The following PHLPP1 variants were observed in gnomAD, a reference collection of about 807,000 sequenced individuals.
PHLPP1 encodes PH domain leucine-rich repeat-containing protein phosphatase 1.
Under a neutral mutation model 117.2 loss-of-function variants are expected in PHLPP1, and 42 were observed. The ratio of observed to expected loss-of-function variants is 0.36; its 90% CI spans 0.28 to 0.46. The LOEUF (loss-of-function observed/expected upper bound fraction) is 0.46. Ranked by LOEUF, PHLPP1 falls within the 20% of genes least tolerant of loss-of-function variation. The probability of loss-of-function intolerance (pLI) is 1.00; values close to 1 mark genes in which losing one functional copy is unlikely to be tolerated. For missense variants in PHLPP1, 2,084 were observed against 2,241.9 expected, an observed-to-expected ratio of 0.93 and a Z score of 1.42; for synonymous variants, 1,042 against 970.7, an observed-to-expected ratio of 1.07 and a Z score of -1.37.
At chr18:62,866,249 GTTTT>G (rs570308646) in intron 4 of PHLPP1, among the ~76,000 whole-genome samples, 1 of 141,102 alleles carries the variant, frequency 7.1e-6, no homozygotes, top group Non-Finnish European at 1.6e-5. Flanking sequence ...TGTGTTTTTT[GTTTT>G]TTTTTTTTTG....
intron 1 of PHLPP1, among the ~76,000 whole-genome samples, chr18:62,790,996 C>T (rs1033861088): frequency 5.9e-5 from 9 of 152,090 alleles, no homozygotes; most frequent in Non-Finnish European, 1.2e-4. Flanking sequence ...GGGAGGAAGA[C>T]TGGCTTTGTT....
rs1208530023 is a variant in PHLPP1, at chr18:62,945,096, T to G, written c.3162-13T>G. The stretch of plus-strand genomic sequence containing the variant: ...TATTTTCTTTTAAATTGCTTTATTT[T>G]CTCTTTTTTTAGTAAAATGGCGAAA... On this transcript the variant is annotated splice_polypyrimidine_tract_variant and intron_variant, in intron 11 of 16. Transcript: ENST00000262719. 1 of 1,553,500 alleles carries G rather than the reference T, an allele frequency of 6.4e-7. No individual in the cohort carries two copies. Among genetic ancestry groups the G allele is most frequent in the Non-Finnish European group, 8.7e-7 (1 of 1,151,672 alleles).
intron 9 of PHLPP1, among the ~76,000 whole-genome samples, chr18:62,916,847 G>A (rs1161358386): frequency 7.1e-5 from 10 of 141,318 alleles, no homozygotes; most frequent in East Asian, 4.6e-4. Context: ...TCTGCCTCCC[G>A]GGTTCCAGCA....
chr18:62,875,959 C>T (rs1025711714), intron 4 of PHLPP1, among the ~76,000 whole-genome samples: 16 of 152,176 alleles, frequency 1.1e-4, no homozygotes, highest in Admixed American at 8.5e-4. Context: ...TCTCGAACTC[C>T]TGACCTGAGA....
At chr18:62,841,790 A>G (rs970887185) in intron 3 of PHLPP1, among the ~76,000 whole-genome samples, 45 of 152,218 alleles carry the variant, frequency 3.0e-4, no homozygotes, top group African/African-American at 1.1e-3. Context: ...GGAGCTTAGT[A>G]TTTCTAAGAG....
chr18:62,727,176 C>T (rs1384631178), intron 1 of PHLPP1, among the ~76,000 whole-genome samples: 1 of 146,734 alleles, frequency 6.8e-6, no homozygotes, highest in Admixed American at 6.9e-5. Flanking sequence ...TGCAGTGAGC[C>T]GAGATCAAGC....
intron 12 of PHLPP1, among the ~76,000 whole-genome samples, chr18:62,946,495 G>C (rs1910286192): frequency 6.6e-6 from 1 of 151,800 alleles, no homozygotes; most frequent in African/African-American, 2.4e-5. Flanking sequence ...TTGAACTCCT[G>C]ACCTCAAGGT....
chr18:62,852,701 T>C (rs1293755691), intron 3 of PHLPP1, among the ~76,000 whole-genome samples: 2 of 152,216 alleles, frequency 1.3e-5, no homozygotes, highest in Non-Finnish European at 2.9e-5. Context: ...TTCAGCTGCT[T>C]TGACCAAGCC....
intron 1 of PHLPP1, among the ~76,000 whole-genome samples, chr18:62,784,705 T>A (rs961618007): frequency 6.6e-6 from 1 of 152,382 alleles, no homozygotes; most frequent in African/African-American, 2.4e-5. Context: ...CATTTAGTCC[T>A]AATTGAACTT....
chr18:62,912,294 G>C (rs921340053), intron 8 of PHLPP1, among the ~76,000 whole-genome samples: 6 of 110,640 alleles, frequency 5.4e-5, no homozygotes, highest in African/African-American at 9.9e-5. Context: ...CTAAAACTTA[G>C]AGTATAATAA....
chr18:62,760,035 A>G (rs1373330052), intron 1 of PHLPP1, among the ~76,000 whole-genome samples: 2 of 152,086 alleles, frequency 1.3e-5, no homozygotes, highest in Admixed American at 1.3e-4. Flanking sequence ...TTCTGTTTCT[A>G]TTAGAAATGA....
chr18:62,978,778 G>A lies in PHLPP1; in HGVS notation c.4501G>A (p.Gly1501Arg), dbSNP rs763806257. The stretch of plus-strand genomic sequence containing the variant: ...AACAGCCTCCGATGAGCCCCCGCCC[G>A]GAGCCCTAAGCGAGAACAGCCCTGC... ...GSTASDEPPP[G>R]ALSENSPAYP... The change falls in exon 17 of 17, where the codon GGA becomes AGA. Residue 1501 changes from glycine (G) to arginine (R), a missense_variant. Around this residue, in one of 2 missense-constraint regions of PHLPP1, gnomAD observed 1,365 missense variants for 1,605.9 expected, o/e 0.85. Coordinates refer to ENST00000262719, the MANE Select transcript of PHLPP1 (RefSeq NM_194449.4). This position sits in a 1 kb window ranked among gnomAD's most constrained non-coding sequence, Gnocchi z 7.0. 24 of 1,612,476 alleles carry A rather than the reference G, an allele frequency of 1.5e-5. No individual in the cohort carries two copies. Among genetic ancestry groups the A allele is most frequent in the African/African-American group, 4.0e-5 (3 of 74,876 alleles).
intron 8 of PHLPP1, 137 bp from the exon 9 acceptor site, chr18:62,914,776 C>T (rs1470829396): frequency 1.6e-6 from 1 of 624,652 alleles, no homozygotes; most frequent in African/African-American, 1.8e-5. Flanking sequence ...AAAAGCGAAT[C>T]CACACATTCT....
chr18:62,829,507 T>G (rs959186429), intron 1 of PHLPP1, among the ~76,000 whole-genome samples: 2 of 152,158 alleles, frequency 1.3e-5, no homozygotes, highest in African/African-American at 4.8e-5. Context: ...ATCCCAGCAC[T>G]TTGGGAGGCT....
At chr18:62,900,179 C>T (rs1916674388) in intron 6 of PHLPP1, among the ~76,000 whole-genome samples, 1 of 151,938 alleles carries the variant, frequency 6.6e-6, no homozygotes, top group South Asian at 2.1e-4. Context: ...TTCCTGTAGT[C>T]CCAACTACTC....
intron 1 of PHLPP1, among the ~76,000 whole-genome samples, chr18:62,742,967 A>G (rs12970959): frequency 0.047 from 7,084 of 152,228 alleles, 182 homozygotes; most frequent in Middle Eastern, 0.061. Flanking sequence ...GTGTTCTCTT[A>G]ATACTTTAAA....
intron 1 of PHLPP1, among the ~76,000 whole-genome samples, chr18:62,815,750 A>T (rs2144315938): frequency 6.6e-6 from 1 of 151,956 alleles, no homozygotes; most frequent in Middle Eastern, 3.4e-3. Flanking sequence ...ACAGACACAA[A>T]GAAAGTGGAA....
At chr18:62,753,070 C>T (rs1216310765) in intron 1 of PHLPP1, among the ~76,000 whole-genome samples, 3 of 152,124 alleles carry the variant, frequency 2.0e-5, no homozygotes, top group Non-Finnish European at 2.9e-5. Context: ...TGACTAGATG[C>T]ATAGGAAACC....
intron 1 of PHLPP1, among the ~76,000 whole-genome samples, chr18:62,733,672 G>A (rs557519569): frequency 2.0e-4 from 31 of 152,304 alleles, no homozygotes; most frequent in Middle Eastern, 3.4e-3. Flanking sequence ...AAACAAGCCA[G>A]CATTAACAAT....
Sources: gnomAD v4.1 joint callset for allele counts (sites outside exome capture counted in the v4.1 genomes callset) on GRCh38, gnomAD v4.1.1 for gene constraint, gnomAD v4.1.1 regional missense constraint, Gnocchi (gnomAD v3.1) non-coding constraint, MANE v1.5 for transcripts, NCBI Gene and HGNC (gene_info 2026-07-23, HGNC 2026-07-21) for gene names.